BCAS4: variants seen among roughly 807,000 people sequenced by gnomAD.
BCAS4 encodes the protein breast carcinoma amplified sequence 4.
In BCAS4, 9 loss-of-function variants were observed where a neutral mutation model predicts 15.7. The observed-to-expected ratio is 0.57, with a 90% CI of 0.34 to 1.00. The LOEUF is 1.00. Among genes scored for constraint, BCAS4 ranks in the 50% least tolerant of loss-of-function variants. BCAS4 has a pLI of 0.02. For missense variants in BCAS4, 225 were observed against 239.1 expected (o/e 0.94, Z 0.39); for synonymous variants, 101 against 99.5 (o/e 1.02, Z -0.09).
chr20:50,862,862 C>T (rs1262164235), intron 4 of BCAS4, among the ~76,000 whole-genome samples: 1 of 152,114 alleles, frequency 6.6e-6, no homozygotes. Flanking sequence ...GTTTTTGAGG[C>T]AGAGTCTCAC....
intron 3 of BCAS4, among the ~76,000 whole-genome samples, chr20:50,835,823 G>C (rs768015429): frequency 6.6e-6 from 1 of 152,158 alleles, no homozygotes; most frequent in Non-Finnish European, 1.5e-5. Flanking sequence ...AGATTTCTCT[G>C]TAACTGATGC....
intron 4 of BCAS4, among the ~76,000 whole-genome samples, chr20:50,871,165 C>T (rs542980403): frequency 1.3e-5 from 2 of 152,282 alleles, no homozygotes; most frequent in African/African-American, 4.8e-5. Flanking sequence ...CTCAAGGAGC[C>T]CTAGAGGGCG....
chr20:50,818,459 T>G (rs1321974706), intron 2 of BCAS4, among the ~76,000 whole-genome samples, 177 bp downstream of exon 2: 3 of 152,206 alleles, frequency 2.0e-5, no homozygotes, highest in East Asian at 1.9e-4. Context: ...TCTCTCGCTC[T>G]CTCTCTCTCA....
intron 4 of BCAS4, among the ~76,000 whole-genome samples, chr20:50,872,189 G>A (rs1041270994): frequency 9.0e-5 from 13 of 145,156 alleles, no homozygotes; most frequent in Middle Eastern, 3.8e-3. Flanking sequence ...GCTTGAACCC[G>A]GAAGGCAGAG....
chr20:50,844,158 G>A (rs371866873), intron 4 of BCAS4, among the ~76,000 whole-genome samples: 2 of 151,942 alleles, frequency 1.3e-5, no homozygotes, highest in African/African-American at 4.8e-5. Context: ...ACAAAAAAAA[G>A]CACATTAGGG....
chr20:50,813,905 G>A (rs1218084256), intron 1 of BCAS4, among the ~76,000 whole-genome samples: 9 of 151,700 alleles, frequency 5.9e-5, no homozygotes, highest in Admixed American at 5.9e-4. Flanking sequence ...TGAGCCTCTC[G>A]CCTCCTTCCC....
chr20:50,800,654 TG>T (rs2123744809), intron 1 of BCAS4, among the ~76,000 whole-genome samples: 1 of 147,090 alleles, frequency 6.8e-6, no homozygotes, highest in South Asian at 2.2e-4. Flanking sequence ...CTCCGCCTCC[TG>T]GGTTCAAGCG....
intron 2 of BCAS4, among the ~76,000 whole-genome samples, chr20:50,820,733 G>C (rs1225197014): frequency 6.6e-6 from 1 of 152,122 alleles, no homozygotes; most frequent in East Asian, 1.9e-4. Context: ...TTCCTGTGGT[G>C]GGAAGTGTGT....
At chr20:50,873,899 C>T (rs765732108) in intron 4 of BCAS4, among the ~76,000 whole-genome samples, 1 of 152,202 alleles carries the variant, frequency 6.6e-6, no homozygotes, top group Non-Finnish European at 1.5e-5. Context: ...GGTGGTGACG[C>T]AGGCTGGTAT....
At chr20:50,807,695 T>C (rs2088008593) in intron 1 of BCAS4, among the ~76,000 whole-genome samples, 2 of 152,126 alleles carry the variant, frequency 1.3e-5, no homozygotes, top group Non-Finnish European at 2.9e-5. Flanking sequence ...CCAAAGTCCA[T>C]TGTATTATTT....
At chr20:50,875,493 G>A (rs987296744) in intron 4 of BCAS4, among the ~76,000 whole-genome samples, 11 of 152,062 alleles carry the variant, frequency 7.2e-5, no homozygotes, top group African/African-American at 2.4e-4. Context: ...GGCCGGGCGC[G>A]GTGGCTCACG....
chr20:50,835,444 C>G (rs969489149), intron 3 of BCAS4, among the ~76,000 whole-genome samples: 1 of 152,052 alleles, frequency 6.6e-6, no homozygotes, highest in Non-Finnish European at 1.5e-5. Context: ...CGGGGTTTCA[C>G]CATGTTGGCC....
chr20:50,872,988 A>G (rs964097927), intron 4 of BCAS4, among the ~76,000 whole-genome samples: 14 of 152,190 alleles, frequency 9.2e-5, no homozygotes, highest in African/African-American at 2.9e-4. Context: ...CAGCTGTTCA[A>G]TAATCCATTG....
intron 3 of BCAS4, 114 bp from the exon 4 acceptor site, chr20:50,841,652 G>A (rs2088482772): frequency 7.0e-7 from 1 of 1,435,530 alleles, no homozygotes; most frequent in African/African-American, 1.4e-5. Flanking sequence ...CCCATTGGAG[G>A]GAGGCTGGTC....
At chr20:50,807,597 C>T (rs570387303) in intron 1 of BCAS4, among the ~76,000 whole-genome samples, 3 of 152,236 alleles carry the variant, frequency 2.0e-5, no homozygotes, top group South Asian at 2.1e-4. Context: ...GAGATTTTGC[C>T]GCAGCACTCA....
intron 3 of BCAS4, among the ~76,000 whole-genome samples, chr20:50,834,044 G>C (rs1196933849): frequency 6.6e-6 from 1 of 152,148 alleles, no homozygotes; most frequent in South Asian, 2.1e-4. Flanking sequence ...CTGGGGCCTG[G>C]GAGGAGCTCA....
intron 4 of BCAS4, among the ~76,000 whole-genome samples, chr20:50,852,699 A>T (rs1040840382): frequency 1.3e-5 from 2 of 152,196 alleles, no homozygotes; most frequent in African/African-American, 4.8e-5. Context: ...TGCACATTTT[A>T]AAAGAGCGGA....
intron 4 of BCAS4, among the ~76,000 whole-genome samples, chr20:50,872,954 C>T (rs1475527964): frequency 6.6e-6 from 1 of 152,204 alleles, no homozygotes; most frequent in African/African-American, 2.4e-5. Flanking sequence ...TAGTGATTGA[C>T]TTCCTTTCTG....
chr20:50,817,128 G>A (rs1221674370), intron 1 of BCAS4, among the ~76,000 whole-genome samples: 1 of 151,304 alleles, frequency 6.6e-6, no homozygotes, highest in Non-Finnish European at 1.5e-5. Context: ...TAAAGGGATG[G>A]AGTCTCACCA....
Sources: gnomAD v4.1 joint callset for allele counts (sites outside exome capture counted in the v4.1 genomes callset) on GRCh38, gnomAD v4.1.1 for gene constraint, MANE v1.5 for transcripts, NCBI Gene and HGNC (gene_info 2026-07-23, HGNC 2026-07-21) for gene names.